Variants in ACTR3C observed in about 807,000 individuals in gnomAD.
ACTR3C encodes actin related protein 3C, also known as actin-related protein 3C.
ACTR3C carries 18 observed loss-of-function variants against 26.3 expected under a neutral mutation model. The observed-to-expected ratio is 0.68, with a 90% CI of 0.47 to 1.01. ACTR3C has a LOEUF of 1.01. Among genes scored for constraint, ACTR3C ranks in the 50% least tolerant of loss-of-function variants. The pLI is 0.00. For synonymous variants in ACTR3C, 55 were observed against 94.5 expected (o/e 0.58, Z 2.42); for missense variants, 184 against 250.7 (o/e 0.73, Z 1.80).
chr7:149,919,932 G>A, the ACTR3C span, among the ~76,000 whole-genome samples: 1 of 118,090 alleles, frequency 8.5e-6, no homozygotes, highest in East Asian at 2.4e-4. Flanking sequence ...CCACTCCCCA[G>A]CCCAAACCTA....
the ACTR3C span, among the ~76,000 whole-genome samples, chr7:150,015,738 C>G: frequency 6.6e-6 from 1 of 152,196 alleles, no homozygotes; most frequent in African/African-American, 2.4e-5. Context: ...TTCCTAGGAG[C>G]CTTCATTGCC....
At chr7:149,884,813 T>C in the ACTR3C span, among the ~76,000 whole-genome samples, 1,087 of 152,304 alleles carry the variant, frequency 7.1e-3, 14 homozygotes, top group African/African-American at 0.025. Context: ...TGGAGTATGG[T>C]CTACCTGTAA....
chr7:149,998,972 C>A, the ACTR3C span, among the ~76,000 whole-genome samples: 2 of 150,332 alleles, frequency 1.3e-5, no homozygotes, highest in Non-Finnish European at 2.9e-5. Flanking sequence ...GTGGCTAGCA[C>A]CCAAGGCCTC....
chr7:149,961,077 A>G, the ACTR3C span, among the ~76,000 whole-genome samples: 1 of 151,562 alleles, frequency 6.6e-6, no homozygotes, highest in African/African-American at 2.4e-5. Context: ...GGGCTCACAG[A>G]AAGTGTATAC....
the ACTR3C span, among the ~76,000 whole-genome samples, chr7:150,105,941 T>C: frequency 6.6e-6 from 1 of 152,108 alleles, no homozygotes; most frequent in Non-Finnish European, 1.5e-5. Flanking sequence ...TAATTTTGAC[T>C]TGTATTATAA....
the ACTR3C span, among the ~76,000 whole-genome samples, chr7:150,151,884 A>C: frequency 7.2e-6 from 1 of 138,056 alleles, no homozygotes; most frequent in Non-Finnish European, 1.6e-5. Context: ...TATAATAATA[A>C]TAAAAAAAAT....
chr7:149,966,797 T>G, the ACTR3C span, among the ~76,000 whole-genome samples: 1 of 152,134 alleles, frequency 6.6e-6, no homozygotes. Flanking sequence ...CCTCTTTGTC[T>G]TCTAGCTTAA....
chr7:150,316,975 A>G (rs1411915042), intron 1 of ACTR3C, among the ~76,000 whole-genome samples: 1 of 151,782 alleles, frequency 6.6e-6, no homozygotes, highest in Admixed American at 6.6e-5. Context: ...GTTTTTTTTC[A>G]CATAGATTTT....
At chr7:150,041,835 T>C in the ACTR3C span, among the ~76,000 whole-genome samples, 175 of 69,470 alleles carry the variant, frequency 2.5e-3, 3 homozygotes, top group Middle Eastern at 0.012. Context: ...GAGCCAGGGG[T>C]GGAAGAGGGG....
chr7:150,153,478 A>C, the ACTR3C span, among the ~76,000 whole-genome samples: 4 of 141,274 alleles, frequency 2.8e-5, no homozygotes, highest in South Asian at 2.5e-4. Context: ...AAAAATGCTC[A>C]CCATCACTGG....
intron 1 of ACTR3C, among the ~76,000 whole-genome samples, chr7:150,299,890 C>T (rs1563197110): frequency 6.6e-6 from 1 of 151,738 alleles, no homozygotes; most frequent in Non-Finnish European, 1.5e-5. Flanking sequence ...ATCTCTTACA[C>T]AACAGTGTGA....
chr7:150,135,444 G>T, the ACTR3C span, among the ~76,000 whole-genome samples: 1 of 152,152 alleles, frequency 6.6e-6, no homozygotes, highest in East Asian at 1.9e-4. Flanking sequence ...AGGAGGGACC[G>T]GAATGGTTAA....
the ACTR3C span, among the ~76,000 whole-genome samples, chr7:150,141,245 C>T: frequency 6.6e-6 from 1 of 152,230 alleles, no homozygotes; most frequent in African/African-American, 2.4e-5. Context: ...CCTGAAATGT[C>T]TGCAGGTAAT....
the ACTR3C span, among the ~76,000 whole-genome samples, chr7:150,153,987 A>T: frequency 6.7e-6 from 1 of 149,518 alleles, no homozygotes; most frequent in African/African-American, 2.5e-5. Context: ...AAAACCAAAC[A>T]CTGCATATTC....
the ACTR3C span, among the ~76,000 whole-genome samples, chr7:150,016,211 A>C: frequency 6.6e-6 from 1 of 152,030 alleles, no homozygotes; most frequent in South Asian, 2.1e-4. Context: ...AAGTGGCTCA[A>C]GCCTCCATCA....
At chr7:150,124,617 T>A in the ACTR3C span, among the ~76,000 whole-genome samples, 1 of 152,154 alleles carries the variant, frequency 6.6e-6, no homozygotes, top group Non-Finnish European at 1.5e-5. Flanking sequence ...TCCTGGCTTC[T>A]TTTTCTTTCA....
the ACTR3C span, among the ~76,000 whole-genome samples, chr7:150,097,105 C>A: frequency 6.6e-6 from 1 of 151,982 alleles, no homozygotes; most frequent in Non-Finnish European, 1.5e-5. Flanking sequence ...ATTTTCATAA[C>A]ATGATGCTGT....
chr7:150,143,837 G>A, the ACTR3C span, among the ~76,000 whole-genome samples: 1 of 152,228 alleles, frequency 6.6e-6, no homozygotes, highest in African/African-American at 2.4e-5. Context: ...CCCATTGGCT[G>A]AACTGGGCAG....
chr7:150,221,998 C>CAG, the ACTR3C span, among the ~76,000 whole-genome samples: 1 of 79,826 alleles, frequency 1.3e-5, no homozygotes, highest in African/African-American at 6.9e-5. Context: ...ACTCCGTCTC[C>CAG]AAAAAAAAAA....
Sources: gnomAD v4.1 joint callset for allele counts (sites outside exome capture counted in the v4.1 genomes callset) on GRCh38, gnomAD v4.1.1 for gene constraint, MANE v1.5 for transcripts, NCBI Gene and HGNC (gene_info 2026-07-23, HGNC 2026-07-21) for gene names.